Variants in PRMT3 observed in about 807,000 individuals in gnomAD.
PRMT3 encodes protein arginine methyltransferase 3.
PRMT3 carries 62 observed loss-of-function variants against 71.9 expected under a neutral mutation model. The observed-to-expected ratio is 0.86, with a 90% CI of 0.70 to 1.07. The LOEUF is 1.07. Ranked by LOEUF, PRMT3 falls within the 50% of genes least tolerant of loss-of-function variation. The pLI is 0.00. For synonymous variants in PRMT3, 213 were observed against 220.4 expected (o/e 0.97, Z 0.30); for missense variants, 663 against 643.0 (o/e 1.03, Z -0.34).
At chr11:20,507,593 A>G (rs1267488696) in intron 15 of PRMT3, among the ~76,000 whole-genome samples, 1 of 152,182 alleles carries the variant, frequency 6.6e-6, no homozygotes, top group Non-Finnish European at 1.5e-5. Flanking sequence ...CAGCCTGGCC[A>G]AAATGGCAAA....
chr11:20,503,371 A>G (rs1339685855), intron 15 of PRMT3, among the ~76,000 whole-genome samples: 2 of 152,162 alleles, frequency 1.3e-5, no homozygotes, highest in East Asian at 3.9e-4. Flanking sequence ...TTTTAAACAA[A>G]TAATTTACAT....
intron 15 of PRMT3, 119 bp downstream of exon 15, chr11:20,494,373 G>GTC: frequency 1.2e-6 from 1 of 859,602 alleles, no homozygotes; most frequent in Non-Finnish European, 1.8e-6. Flanking sequence ...GAGTCTCGCT[G>GTC]TCTCACCCAG....
chr11:20,478,805 G>A (rs535230179), intron 13 of PRMT3, among the ~76,000 whole-genome samples: 8 of 152,216 alleles, frequency 5.3e-5, no homozygotes, highest in African/African-American at 1.7e-4. Flanking sequence ...TTGCAATTGT[G>A]TTCTTTAAAT....
intron 10 of PRMT3, among the ~76,000 whole-genome samples, chr11:20,449,799 T>A (rs114534628): frequency 0.011 from 1,679 of 152,202 alleles, 39 homozygotes; most frequent in African/African-American, 0.039. Context: ...ATTAATAACT[T>A]TTATTTATTC....
chr11:20,464,419 A>G (rs762785750), intron 12 of PRMT3, 41 bp from the exon 13 acceptor site: 1 of 1,460,070 alleles, frequency 6.8e-7, no homozygotes, highest in Non-Finnish European at 9.0e-7. Context: ...TTTTTGGACT[A>G]TTTTTACTAA....
rs191796263 is a variant in PRMT3 at position 20,403,775 on chromosome 11, C to T, written c.771+791C>T. 2.4e-4 allele frequency among the ~76,000 whole-genome samples: 37 copies of T among 152,192 alleles called. No homozygotes were observed. The East Asian group carries it at 6.6e-3, about 27-fold the overall frequency. ...ACCTTTCCTTGGAAATTTTTTCCCACTCTTTTTACTTTGAGAACATGTATA... is the reference window on the plus strand; with the variant it reads ...ACCTTTCCTTGGAAATTTTTTCCCATTCTTTTTACTTTGAGAACATGTATA... On this transcript the variant is annotated intron_variant, in intron 8 of 15. Coordinates refer to ENST00000331079, the MANE Select transcript of PRMT3 (RefSeq NM_005788.4).
chr11:20,441,439 G>A (rs958817758), intron 10 of PRMT3, among the ~76,000 whole-genome samples: 6 of 151,888 alleles, frequency 4.0e-5, no homozygotes, highest in African/African-American at 1.5e-4. Flanking sequence ...CTGAGTAGCT[G>A]GGACTATAGG....
At chr11:20,452,061 G>A in intron 10 of PRMT3, 69 bp from the exon 11 acceptor site, 1 of 1,130,496 alleles carries the variant, frequency 8.8e-7, no homozygotes, top group South Asian at 1.6e-5. Flanking sequence ...TAGCACCGAT[G>A]TTTAAATTGA....
chr11:20,445,161 A>G (rs1318937390), intron 10 of PRMT3, among the ~76,000 whole-genome samples: 2 of 151,972 alleles, frequency 1.3e-5, no homozygotes, highest in African/African-American at 4.8e-5. Context: ...ATCTCTTCCT[A>G]TAATCTTAAT....
In PRMT3 at chr11:20,397,598, G is replaced by A; in HGVS notation, c.582G>A (p.Val194=). 6.2e-7 allele frequency: 1 copy of A among 1,614,094 alleles called. No individual in the cohort carries two copies. The highest frequency in any genetic ancestry group is 1.7e-5 in the Admixed American group (1 of 60,000). The change falls in exon 7 of 16, where the codon GTG becomes GTA. Residue 194 remains valine (V), a synonymous_variant. Transcript: ENST00000331079. ...QKMKQFAQDF[V]MHTDVRTCSS... ...ACAGACAATTTGCTCAGGATTTTGT[G>A]ATGCACACAGATGTCAGAACCTGCT...
chr11:20,465,792 C>T (rs565596594), intron 13 of PRMT3, among the ~76,000 whole-genome samples: 1 of 151,892 alleles, frequency 6.6e-6, no homozygotes, highest in Non-Finnish European at 1.5e-5. Context: ...GATTCATTTC[C>T]CATGTATTTT....
At chr11:20,395,749 A>T (rs1848810562) in intron 5 of PRMT3, 54 bp from the exon 6 acceptor site, 10 of 1,523,824 alleles carry the variant, frequency 6.6e-6, no homozygotes, top group Non-Finnish European at 8.9e-6. Context: ...ACATATTTAT[A>T]CTTGTTTTAT....
At chr11:20,474,296 G>A (rs927887320) in intron 13 of PRMT3, among the ~76,000 whole-genome samples, 1 of 152,194 alleles carries the variant, frequency 6.6e-6, no homozygotes, top group African/African-American at 2.4e-5. Context: ...TAGTCAAGTT[G>A]ACAGAACTGC....
chr11:20,496,013 C>G (rs1051423680), intron 15 of PRMT3, among the ~76,000 whole-genome samples: 2 of 152,142 alleles, frequency 1.3e-5, no homozygotes, highest in Non-Finnish European at 2.9e-5. Context: ...CTTTCGAGAA[C>G]AGTTTGATAC....
chr11:20,440,489 C>CAAAAAAAAA (rs55801324), intron 10 of PRMT3, among the ~76,000 whole-genome samples: 322 of 115,570 alleles, frequency 2.8e-3, no homozygotes, highest in Middle Eastern at 5.6e-3. Context: ...ACTAAAAATA[C>CAAAAAAAAA]AAAAAAAAAA....
rs758995493 is a variant in PRMT3, at chr11:20,402,906, C to T, written c.706-13C>T. 2.8e-5 allele frequency: 44 copies of T among 1,599,642 alleles called. 2 individuals are homozygous for T. In the South Asian group the frequency reaches 4.2e-4, roughly 15 times the overall value. On this transcript the variant is annotated splice_polypyrimidine_tract_variant and intron_variant, in intron 7 of 15. Transcript: ENST00000331079. The stretch of plus-strand genomic sequence containing the variant: ...TGTCCTATAAACACAGCGTTTTCCT[C>T]TCTCCACCCTAGGACAAAATACGAA...
Position 20,498,011 on chromosome 11 carries a change from A to G in PRMT3, c.1486+3757A>G, listed in dbSNP as rs940621619. Among the ~76,000 whole-genome samples the G allele has an allele frequency of 1.3e-4, 20 of 152,384 alleles. No homozygotes were observed. In the East Asian group the frequency reaches 3.9e-3, roughly 29 times the overall value. Reference sequence around the variant, plus strand: ...ATGTTATAACTATGCTTATGTGAACATAGCGAAGAGAATATAAGAAGACAT... The same window carrying G: ...ATGTTATAACTATGCTTATGTGAACGTAGCGAAGAGAATATAAGAAGACAT... On this transcript the variant is annotated intron_variant, in intron 15 of 15. Coordinates refer to ENST00000331079, the MANE Select transcript of PRMT3 (RefSeq NM_005788.4).
At chr11:20,442,226 A>C (rs1849924642) in intron 10 of PRMT3, among the ~76,000 whole-genome samples, 1 of 152,042 alleles carries the variant, frequency 6.6e-6, no homozygotes, top group Non-Finnish European at 1.5e-5. Flanking sequence ...TTTTTTTTAA[A>C]GTCACTTGTA....
At chr11:20,412,846 G>A (rs1399052206) in intron 9 of PRMT3, among the ~76,000 whole-genome samples, 9 of 152,140 alleles carry the variant, frequency 5.9e-5, no homozygotes, top group Admixed American at 1.3e-4. Flanking sequence ...ATGGTGGCAT[G>A]TGCCTGAGGC....
Sources: allele counts gnomAD v4.1 joint callset (sites outside exome capture counted in the v4.1 genomes callset), GRCh38; gene constraint gnomAD v4.1.1; transcripts MANE v1.5; gene names NCBI Gene and HGNC (gene_info 2026-07-23, HGNC 2026-07-21).